Variants in FHIT observed in about 807,000 individuals in gnomAD.
FHIT encodes fragile histidine triad diadenosine triphosphatase, also known as bis(5'-adenosyl)-triphosphatase.
FHIT carries 19 observed loss-of-function variants against 17.9 expected under a neutral mutation model. That is an observed-to-expected ratio of 1.06 (90% confidence interval 0.74 to 1.56). The LOEUF is 1.56. FHIT is among the 40% of genes most tolerant of loss of function. The pLI, the probability that FHIT is intolerant of heterozygous loss-of-function variation, is 0.00. For synonymous variants in FHIT, 81 were observed against 69.7 expected (o/e 1.16, Z -0.81); for missense variants, 248 against 189.2 (o/e 1.31, Z -1.82).
chr3:60,461,467 C>G (rs1245376849), intron 5 of FHIT, among the ~76,000 whole-genome samples: 1 of 152,190 alleles, frequency 6.6e-6, no homozygotes, highest in African/African-American at 2.4e-5. Context: ...ATCTTGTTCT[C>G]ATTGTCATAA....
intron 7 of FHIT, among the ~76,000 whole-genome samples, chr3:59,976,798 T>C (rs991531252): frequency 1.3e-5 from 2 of 152,080 alleles, no homozygotes; most frequent in African/African-American, 4.8e-5. Flanking sequence ...TGAAATAATA[T>C]CTCCTCCTCC....
intron 5 of FHIT, among the ~76,000 whole-genome samples, chr3:60,245,845 C>G (rs1290960547): frequency 6.6e-6 from 1 of 151,862 alleles, no homozygotes; most frequent in South Asian, 2.1e-4. Context: ...ATTATCTGGG[C>G]ATTAACAAGA....
intron 8 of FHIT, among the ~76,000 whole-genome samples, chr3:59,772,572 G>A (rs1212344862): frequency 6.6e-6 from 1 of 152,214 alleles, no homozygotes; most frequent in African/African-American, 2.4e-5. Flanking sequence ...ACAGGGCTGG[G>A]ATGCAAATGC....
intron 2 of FHIT, among the ~76,000 whole-genome samples, chr3:61,139,929 A>G (rs2037028275): frequency 6.6e-6 from 1 of 151,958 alleles, no homozygotes. Context: ...AAAACTGGCA[A>G]CGTTCACTCA....
At chr3:60,241,247 T>C (rs1705114868) in intron 5 of FHIT, among the ~76,000 whole-genome samples, 1 of 152,158 alleles carries the variant, frequency 6.6e-6, no homozygotes, top group South Asian at 2.1e-4. Flanking sequence ...ATTATCATTC[T>C]TTATTAGATG....
At chr3:60,669,417 G>A (rs1553693326) in intron 4 of FHIT, among the ~76,000 whole-genome samples, 1 of 152,172 alleles carries the variant, frequency 6.6e-6, no homozygotes, top group East Asian at 1.9e-4. Context: ...ATGGGAACAT[G>A]TGATAATGCT....
intron 4 of FHIT, chr3:60,617,129 A>T (rs1195879004): frequency 4.6e-6 from 1 of 219,044 alleles, no homozygotes; most frequent in Admixed American, 4.1e-5. Context: ...CTTCGTTCCA[A>T]AGGAGCTAGC....
chr3:61,207,412 AC>A (rs1464191464), intron 1 of FHIT, among the ~76,000 whole-genome samples: 1 of 151,996 alleles, frequency 6.6e-6, no homozygotes, highest in Non-Finnish European at 1.5e-5. Context: ...TCCTCCTTGT[AC>A]CTCTGGTAGA....
At chr3:59,904,581 C>T (rs935854709) in intron 8 of FHIT, among the ~76,000 whole-genome samples, 4 of 152,282 alleles carry the variant, frequency 2.6e-5, no homozygotes, top group African/African-American at 9.6e-5. Context: ...GCCAGTGATG[C>T]CCGTACCAGG....
intron 1 of FHIT, among the ~76,000 whole-genome samples, chr3:61,204,046 C>T (rs1319338692): frequency 6.6e-6 from 1 of 152,166 alleles, no homozygotes; most frequent in Non-Finnish European, 1.5e-5. Flanking sequence ...CCCACATCAA[C>T]ATAGATACCT....
chr3:60,932,598 G>A (rs2107373389), intron 3 of FHIT, among the ~76,000 whole-genome samples: 1 of 152,258 alleles, frequency 6.6e-6, no homozygotes, highest in Admixed American at 6.5e-5. Context: ...TATAATTTCT[G>A]TCAGTGGCCC....
At chr3:60,690,087 G>C (rs1446557726) in intron 4 of FHIT, 5 of 258,242 alleles carry the variant, frequency 1.9e-5, no homozygotes, top group South Asian at 1.2e-4. Flanking sequence ...AGGGAACAAG[G>C]AAAACATGGA....
rs180722388 is a variant in FHIT at position 61,208,650 on chromosome 3, T to A, written c.-212-7985A>T. ...TAGGATTGCAAACCCTGCCTTTTTT[T>A]TTGTTTTCCATTTGCTTGGTAGATC... On this transcript the variant is annotated intron_variant, in intron 1 of 9. Coordinates refer to ENST00000492590, the MANE Select transcript of FHIT (RefSeq NM_002012.4). Among the ~76,000 whole-genome samples the A allele has an allele frequency of 7.0e-4, 107 of 152,192 alleles. 2 individuals carry two copies. The highest frequency in any genetic ancestry group is 1.9e-3 in the South Asian group (9 of 4,828).
At chr3:60,357,715 A>G (rs1699734444) in intron 5 of FHIT, among the ~76,000 whole-genome samples, 1 of 152,228 alleles carries the variant, frequency 6.6e-6, no homozygotes, top group Non-Finnish European at 1.5e-5. Flanking sequence ...TCTGTAGTAT[A>G]TACTTTCATA....
intron 2 of FHIT, among the ~76,000 whole-genome samples, chr3:61,147,958 ACTT>A (rs1029634767): frequency 2.6e-5 from 4 of 151,880 alleles, no homozygotes; most frequent in Non-Finnish European, 5.9e-5. Context: ...TCAAAAATGA[ACTT>A]CTTATTTTAA....
At chr3:61,128,377 A>G (rs2036670950) in intron 2 of FHIT, among the ~76,000 whole-genome samples, 1 of 152,222 alleles carries the variant, frequency 6.6e-6, no homozygotes. Flanking sequence ...GTATCTCTTA[A>G]AACATGTCAG....
chr3:60,802,648 C>T (rs1170586263), intron 4 of FHIT, among the ~76,000 whole-genome samples: 1 of 151,946 alleles, frequency 6.6e-6, no homozygotes, highest in Non-Finnish European at 1.5e-5. Flanking sequence ...AAAAAAGAAA[C>T]AAATTCCTGC....
intron 5 of FHIT, among the ~76,000 whole-genome samples, chr3:60,513,613 A>G (rs1559504073): frequency 3.3e-5 from 5 of 152,200 alleles, no homozygotes; most frequent in Admixed American, 2.0e-4. Context: ...ACACACAGGA[A>G]CAGAAAACCA....
intron 4 of FHIT, among the ~76,000 whole-genome samples, chr3:60,556,412 T>C (rs1281416916): frequency 1.3e-5 from 2 of 152,218 alleles, no homozygotes; most frequent in Non-Finnish European, 2.9e-5. Flanking sequence ...ATCCATCTCT[T>C]CCTTGGCTTC....
Sources: allele counts gnomAD v4.1 joint callset (sites outside exome capture counted in the v4.1 genomes callset), GRCh38; gene constraint gnomAD v4.1.1; transcripts MANE v1.5; gene names NCBI Gene and HGNC (gene_info 2026-07-23, HGNC 2026-07-21).